Variants in ELMO1 observed in about 807,000 individuals in gnomAD.
ELMO1 encodes the protein engulfment and cell motility protein 1.
ELMO1 carries 26 observed loss-of-function variants against 98.9 expected under a neutral mutation model. The ratio of observed to expected loss-of-function variants is 0.26; its 90% CI spans 0.19 to 0.36. The LOEUF is 0.36. Among genes scored for constraint, ELMO1 ranks in the 10% least tolerant of loss-of-function variants. The pLI, the probability that ELMO1 is intolerant of heterozygous loss-of-function variation, is 1.00. For synonymous variants in ELMO1, 346 were observed against 346.0 expected, an observed-to-expected ratio of 1.00 and a Z score of 0.00; for missense variants, 627 against 935.2, an observed-to-expected ratio of 0.67 and a Z score of 4.30.
intron 18 of ELMO1, among the ~76,000 whole-genome samples, chr7:36,883,015 G>A (rs985695145): frequency 2.0e-5 from 3 of 152,182 alleles, no homozygotes; most frequent in African/African-American, 7.2e-5. Context: ...GATGGAGAAA[G>A]GAATGACCTG....
At chr7:37,438,370 G>A (rs559836693) in intron 1 of ELMO1, among the ~76,000 whole-genome samples, 53 of 150,676 alleles carry the variant, frequency 3.5e-4, no homozygotes, top group Non-Finnish European at 6.3e-4. Context: ...GGAGGATCAC[G>A]AGGTCAGGAG....
intron 1 of ELMO1, among the ~76,000 whole-genome samples, chr7:37,405,925 G>C (rs1191027657): frequency 6.6e-6 from 1 of 152,184 alleles, no homozygotes; most frequent in Non-Finnish European, 1.5e-5. Flanking sequence ...ATTCACTGGA[G>C]AACCCATCCT....
chr7:37,448,263 C>G (rs1008008219), intron 1 of ELMO1, among the ~76,000 whole-genome samples: 1 of 152,022 alleles, frequency 6.6e-6, no homozygotes, highest in Non-Finnish European at 1.5e-5. Flanking sequence ...CCACATCCCC[C>G]GTCCCCAGTA....
At chr7:37,316,162 C>T (rs1391310724) in intron 2 of ELMO1, among the ~76,000 whole-genome samples, 1 of 152,028 alleles carries the variant, frequency 6.6e-6, no homozygotes, top group Non-Finnish European at 1.5e-5. Context: ...GATTTATTAC[C>T]CCTGTGGTCC....
At chr7:36,999,215 T>C (rs754037504) in intron 16 of ELMO1, among the ~76,000 whole-genome samples, 14 of 152,154 alleles carry the variant, frequency 9.2e-5, no homozygotes, top group Non-Finnish European at 1.9e-4. Flanking sequence ...CCATGCCTCA[T>C]CTGGAGCGCC....
chr7:37,275,156 A>T (rs1202889371), intron 4 of ELMO1, among the ~76,000 whole-genome samples: 1 of 152,212 alleles, frequency 6.6e-6, no homozygotes, highest in East Asian at 1.9e-4. Flanking sequence ...TTACCCTCAG[A>T]GGAAGAGTTC....
intron 4 of ELMO1, among the ~76,000 whole-genome samples, chr7:37,301,826 G>A (rs184228853): frequency 1.5e-4 from 23 of 152,156 alleles, no homozygotes; most frequent in Non-Finnish European, 2.5e-4. Context: ...CCCACCCCAC[G>A]TTTAAAAGAA....
At chr7:37,291,292 T>C (rs2723965) in intron 4 of ELMO1, among the ~76,000 whole-genome samples, 53,379 of 151,996 alleles carry the variant, frequency 0.35, 10,527 homozygotes, top group Middle Eastern at 0.54. Flanking sequence ...CTCTTTAAAA[T>C]ATATAGCTAG....
chr7:37,003,301 T>C (rs1792813370), intron 16 of ELMO1, among the ~76,000 whole-genome samples: 1 of 152,080 alleles, frequency 6.6e-6, no homozygotes. Context: ...GGTGGGAGGA[T>C]TGTGTGAGGC....
intron 1 of ELMO1, among the ~76,000 whole-genome samples, chr7:37,360,216 A>G (rs2131324273): frequency 6.6e-6 from 1 of 152,314 alleles, no homozygotes; most frequent in South Asian, 2.1e-4. Flanking sequence ...ACAAGGAATA[A>G]TCTTAATTGA....
At chr7:37,447,282 G>T (rs1389537497) in intron 1 of ELMO1, among the ~76,000 whole-genome samples, 3 of 152,166 alleles carry the variant, frequency 2.0e-5, no homozygotes, top group African/African-American at 7.2e-5. Flanking sequence ...CCAAGTCACT[G>T]GCAGCGCCCA....
At chr7:37,404,954 T>C (rs1803693133) in intron 1 of ELMO1, among the ~76,000 whole-genome samples, 1 of 152,204 alleles carries the variant, frequency 6.6e-6, no homozygotes, top group African/African-American at 2.4e-5. Flanking sequence ...TGCAAACAGC[T>C]CATGATCAGG....
In ELMO1 at chr7:37,179,213, C is replaced by T. The variant is rs904300103; in HGVS notation, c.1086+32173G>A. Among the ~76,000 whole-genome samples, 6 of 150,902 alleles carry T rather than the reference C, an allele frequency of 4.0e-5. No individual in the cohort carries two copies. In the East Asian group the frequency reaches 5.8e-4, roughly 15 times the overall value. On this transcript the variant is annotated intron_variant, in intron 13 of 21. Transcript: ENST00000310758. ...TTTTTTCTTAGAGGGAACAGACTGG[C>T]GAGGGGAATTTTGTTCATGTGGCTT...
At chr7:37,093,874 A>G (rs1448088446) in intron 15 of ELMO1, among the ~76,000 whole-genome samples, 1 of 152,202 alleles carries the variant, frequency 6.6e-6, no homozygotes, top group Admixed American at 6.5e-5. Context: ...CAATAAGTCA[A>G]ACTAAAAACT....
intron 2 of ELMO1, among the ~76,000 whole-genome samples, chr7:37,324,041 T>C (rs958046537): frequency 6.6e-6 from 1 of 152,168 alleles, no homozygotes; most frequent in African/African-American, 2.4e-5. Context: ...ATTTAGGAGA[T>C]GGCCAGTCCA....
chr7:36,887,613 T>A lies in ELMO1; in HGVS notation c.1661A>T (p.Asn554Ile). The change falls in exon 18 of 22, where the codon AAC becomes ATC. Residue 554 changes from asparagine (N) to isoleucine (I), a missense_variant. Physicochemically the swap from Asn to Ile is moderately radical, Grantham distance 149 (BLOSUM62 -3). Coordinates refer to ENST00000310758, the MANE Select transcript of ELMO1 (RefSeq NM_014800.11). The part of the protein sequence containing the change: ...ILELIKQQRL[N>I]RLVEGTCFRK... ...AAAGCAGGTCCCTTCCACAAGGCGGTTCAGGCGTTGCTGTTTGATCAGCTC... is the reference window on the plus strand; with the variant it reads ...AAAGCAGGTCCCTTCCACAAGGCGGATCAGGCGTTGCTGTTTGATCAGCTC... 1 of 1,614,116 alleles carries A rather than the reference T, an allele frequency of 6.2e-7. No homozygotes were observed. The highest frequency in any genetic ancestry group is 8.5e-7 in the Non-Finnish European group (1 of 1,179,962).
intron 12 of ELMO1, 76 bp from the exon 13 acceptor site, chr7:37,211,593 T>C (rs1584815260): frequency 6.5e-7 from 1 of 1,545,164 alleles, no homozygotes; most frequent in East Asian, 2.3e-5. Context: ...ATATACTCCC[T>C]CTTTCCCTGG....
intron 16 of ELMO1, among the ~76,000 whole-genome samples, chr7:36,967,161 T>C (rs10234154): frequency 0.029 from 4,361 of 152,298 alleles, 217 homozygotes; most frequent in African/African-American, 0.1. Context: ...TCTTATCCTA[T>C]TGCCTCTTCT....
At chr7:37,097,614 A>AAAAG (rs376379510) in intron 14 of ELMO1, among the ~76,000 whole-genome samples, 1,673 of 151,918 alleles carry the variant, frequency 0.011, 27 homozygotes, top group African/African-American at 0.038. Context: ...AAGAGAAAAA[A>AAAAG]AAAGAAAGAA....
Sources: allele counts gnomAD v4.1 joint callset (sites outside exome capture counted in the v4.1 genomes callset), GRCh38; gene constraint gnomAD v4.1.1; transcripts MANE v1.5; gene names NCBI Gene and HGNC (gene_info 2026-07-23, HGNC 2026-07-21).